PXK: variants seen among roughly 807,000 people sequenced by gnomAD.
The protein encoded by PXK is PX domain-containing protein kinase-like protein.
A neutral mutation model predicts 84.7 loss-of-function variants in PXK; 35 were observed. The ratio of observed to expected loss-of-function variants is 0.41; its 90% confidence interval spans 0.32 to 0.55. The LOEUF is 0.55. Ranked by LOEUF, PXK falls within the 20% of genes least tolerant of loss-of-function variation. PXK has a pLI of 0.21. For missense variants in PXK, 634 were observed against 699.7 expected (o/e 0.91, Z 1.06); for synonymous variants, 253 against 260.8 (o/e 0.97, Z 0.29).
intron 3 of PXK, among the ~76,000 whole-genome samples, chr3:58,372,349 G>T (rs999220931): frequency 2.0e-5 from 3 of 151,896 alleles, no homozygotes; most frequent in African/African-American, 7.3e-5. Flanking sequence ...TTGAGATGGA[G>T]TCTCACTCTG....
intron 13 of PXK, among the ~76,000 whole-genome samples, chr3:58,408,474 C>T (rs1244329815): frequency 6.6e-6 from 1 of 151,078 alleles, no homozygotes; most frequent in South Asian, 2.1e-4. Flanking sequence ...CCAAAAGTGG[C>T]TGGGGTAGGA....
intron 3 of PXK, among the ~76,000 whole-genome samples, chr3:58,374,878 T>C (rs1576236321): frequency 6.6e-6 from 1 of 152,238 alleles, no homozygotes; most frequent in East Asian, 1.9e-4. Context: ...TGAGTACCTT[T>C]AGGAATTTTT....
rs561007938 is a variant in PXK at position 58,385,222 on chromosome 3, A to C, written c.388+2522A>C. On this transcript the variant is annotated intron_variant, in intron 4 of 17. Transcript: ENST00000356151. This position sits in a 1 kb window ranked among gnomAD's most constrained non-coding sequence, Gnocchi z 5.1. ...AAAGACCACCAGAAACTCCTGCCGG[A>C]ACCTGTGCTGGCTGCTATTCAGAGG... Among the ~76,000 whole-genome samples the C allele has an allele frequency of 2.0e-5, 3 of 152,330 alleles. No homozygotes were observed. The highest frequency in any genetic ancestry group is 7.2e-5 in the African/African-American group (3 of 41,578).
chr3:58,339,875 C>A (rs536136747), intron 1 of PXK, among the ~76,000 whole-genome samples: 9 of 151,346 alleles, frequency 5.9e-5, no homozygotes, highest in Non-Finnish European at 1.2e-4. Context: ...AGTGCAATGG[C>A]GCGATCTCGG....
chr3:58,394,478 G>A (rs546262873), intron 7 of PXK, among the ~76,000 whole-genome samples: 11 of 152,316 alleles, frequency 7.2e-5, no homozygotes, highest in Admixed American at 3.3e-4. Context: ...GATTCCAGAA[G>A]ATGCTACTTT....
chr3:58,381,104 C>T (rs1225050293), intron 3 of PXK, among the ~76,000 whole-genome samples: 1 of 151,926 alleles, frequency 6.6e-6, no homozygotes, highest in Non-Finnish European at 1.5e-5. Context: ...AAAATATTAG[C>T]TGGGCATTGT....
At chr3:58,375,521 C>T (rs2098434566) in intron 3 of PXK, among the ~76,000 whole-genome samples, 2 of 152,072 alleles carry the variant, frequency 1.3e-5, no homozygotes, top group South Asian at 2.1e-4. Context: ...CAGATAACAC[C>T]GTTTTGTTCA....
rs752233241 is a variant in PXK at position 58,397,616 on chromosome 3, T to C, written c.996T>C (p.Ser332=). 9.4e-5 allele frequency: 152 copies of C among 1,613,572 alleles called. 1 individual carries two copies. In the East Asian group the frequency reaches 3.4e-3, roughly 36 times the overall value. Residue 332 remains serine (S), a synonymous_variant, in exon 11 of 18, where the codon AGT becomes AGC. Coordinates refer to ENST00000356151, the MANE Select transcript of PXK (RefSeq NM_017771.5). The surrounding 1 kb of genome is among the most constrained non-coding windows in gnomAD (Gnocchi z 4.7). ...TCTTTCTTCCACAGACATTGGAAAG[T>C]GTGGATGTCCACTGCTTTGGCCACT... ...SQFRKINTLE[S]VDVHCFGHLL... is the part of the protein sequence containing the mutation.
At position 58,364,863 on chromosome 3, in the gene PXK, T is replaced by C. The variant is rs540737707; in HGVS notation, c.103-1011T>C. Among the ~76,000 whole-genome samples, 5 of 152,300 alleles carry C rather than the reference T, an allele frequency of 3.3e-5. No homozygotes were observed. The South Asian group carries it at 8.3e-4, about 25-fold the overall frequency. On this transcript the variant is annotated intron_variant, in intron 1 of 17. Transcript: ENST00000356151. This position sits in a 1 kb window ranked among gnomAD's most constrained non-coding sequence, Gnocchi z 4.3. ...ACAGCATTCCCTTATCCATTTGATA[T>C]CTGCACAGTCTGTAGTGGTATCCTA...
rs146645934 is a variant in PXK at position 58,350,448 on chromosome 3, CT to C, written c.103-15425del. Among the ~76,000 whole-genome samples the C allele has an allele frequency of 4.5e-3, 682 of 152,316 alleles. 6 individuals carry two copies. Among genetic ancestry groups the C allele is most frequent in the African/African-American group, 0.015 (628 of 41,564 alleles). On this transcript the variant is annotated intron_variant, in intron 1 of 17. Coordinates refer to ENST00000356151, the MANE Select transcript of PXK (RefSeq NM_017771.5). ...TGCCCTTCACCCTGTCAGCTTCCCC[CT>C]GACTTGATAGACTGGTTCTGCCTGT...
rs936073877 is a variant in PXK, at chr3:58,364,722, A to C, written c.103-1152A>C. The stretch of plus-strand genomic sequence containing the variant: ...GTGAGACTCGGTCTCAAAAAAAAAA[A>C]ATCATTATGAAGATCAAATTATGTA... On this transcript the variant is annotated intron_variant, in intron 1 of 17. Coordinates refer to ENST00000356151, the MANE Select transcript of PXK (RefSeq NM_017771.5). The surrounding 1 kb of genome is among the most constrained non-coding windows in gnomAD (Gnocchi z 4.3). Among the ~76,000 whole-genome samples, 2 of 152,116 alleles carry C rather than the reference A, an allele frequency of 1.3e-5. No individual in the cohort carries two copies. The highest frequency in any genetic ancestry group is 4.8e-5 in the African/African-American group (2 of 41,408).
chr3:58,399,293 T>C lies in PXK; in HGVS notation c.1103-6T>C. ...GGAACTAAAATGTGTATCTGTTCAT[T>C]TCAAGTGGCCGTGTTGGAGTCTACG... On this transcript the variant is annotated splice_region_variant and splice_polypyrimidine_tract_variant and intron_variant, in intron 11 of 17. Transcript: ENST00000356151. This position sits in a 1 kb window ranked among gnomAD's most constrained non-coding sequence, Gnocchi z 4.3. 6.2e-7 allele frequency: 1 copy of C among 1,613,852 alleles called. No individual in the cohort carries two copies. Among genetic ancestry groups the C allele is most frequent in the African/African-American group, 1.3e-5 (1 of 75,048 alleles).
chr3:58,356,230 ATAGGGGG>A, intron 1 of PXK, among the ~76,000 whole-genome samples: 1 of 152,198 alleles, frequency 6.6e-6, no homozygotes, highest in African/African-American at 2.4e-5. Flanking sequence ...GCATGCCAAG[ATAGGGGG>A]TGTTGTGTCA....
intron 17 of PXK, among the ~76,000 whole-genome samples, chr3:58,418,338 T>C: frequency 6.6e-6 from 1 of 152,210 alleles, no homozygotes; most frequent in South Asian, 2.1e-4. Flanking sequence ...CAGTTGAAAC[T>C]GACACTCTAG....
intron 1 of PXK, among the ~76,000 whole-genome samples, chr3:58,356,757 C>A (rs763811210): frequency 2.6e-5 from 4 of 151,818 alleles, no homozygotes. Context: ...ATGCGTACCT[C>A]CATGCCCGGC....
chr3:58,403,480 T>C (rs576065383), intron 12 of PXK, among the ~76,000 whole-genome samples: 6 of 152,100 alleles, frequency 3.9e-5, no homozygotes, highest in African/African-American at 1.5e-4. Context: ...AATTTTATCC[T>C]CTTCTGAGGC....
chr3:58,422,220 G>A (rs2061999280), intron 17 of PXK: 1 of 985,398 alleles, frequency 1.0e-6, no homozygotes, highest in South Asian at 4.7e-5. Flanking sequence ...CCGAGTCCCA[G>A]GTCTGTGTTC....
chr3:58,408,811 C>A lies in PXK; in HGVS notation c.1231-113C>A, dbSNP rs1017008453. The A allele has an allele frequency of 1.8e-5, 14 of 786,816 alleles. No individual in the cohort carries two copies. The South Asian group carries it at 2.1e-4, about 12-fold the overall frequency. The allele number at this position is 786,816 out of a possible 1,614,324, so 48.7% of individuals were successfully genotyped here. A position where few individuals can be genotyped will look rare whatever the true frequency, so the allele number is the denominator to read the frequency against. ...TCCTGGGATTACAGGCATGAGCCAC[C>A]GCGCCCGGCCGAAATGACTCTTGAT... On this transcript the variant is annotated intron_variant, in intron 13 of 17. Coordinates refer to ENST00000356151, the MANE Select transcript of PXK (RefSeq NM_017771.5).
intron 1 of PXK, among the ~76,000 whole-genome samples, chr3:58,353,277 A>G (rs919884102): frequency 6.6e-6 from 1 of 152,130 alleles, no homozygotes; most frequent in South Asian, 2.1e-4. Flanking sequence ...GATTACAGAC[A>G]TGAGCCACTG....
Sources: allele counts gnomAD v4.1 joint callset (sites outside exome capture counted in the v4.1 genomes callset), GRCh38; gene constraint gnomAD v4.1.1; non-coding constraint Gnocchi (gnomAD v3.1); transcripts MANE v1.5; gene names NCBI Gene and HGNC (gene_info 2026-07-23, HGNC 2026-07-21).